The following GRID2 variants were observed in gnomAD, a reference collection of about 807,000 sequenced individuals.
The protein encoded by GRID2 is glutamate receptor ionotropic, delta-2.
Under a neutral mutation model 114.8 loss-of-function variants are expected in GRID2, and 33 were observed. That is an observed-to-expected ratio of 0.29 (90% CI 0.22 to 0.38). The LOEUF is 0.38. GRID2 is among the 10% of genes least tolerant of loss of function. GRID2 has a pLI of 1.00. For synonymous variants in GRID2, 505 were observed against 449.9 expected (o/e 1.12, Z -1.55); for missense variants, 1,184 against 1,257.7 (o/e 0.94, Z 0.89).
At chr4:92,513,880 C>T (rs962284261) in intron 1 of GRID2, among the ~76,000 whole-genome samples, 36 of 151,946 alleles carry the variant, frequency 2.4e-4, no homozygotes, top group African/African-American at 8.7e-4. Context: ...CTGTGTAGAC[C>T]TCTAATTAGA....
intron 2 of GRID2, among the ~76,000 whole-genome samples, chr4:92,924,166 A>G (rs1025930002): frequency 5.9e-5 from 9 of 152,074 alleles, no homozygotes; most frequent in African/African-American, 1.9e-4. Context: ...ACCAAACACC[A>G]CATGTTCTCA....
chr4:93,536,859 T>C (rs1221311886), intron 13 of GRID2, among the ~76,000 whole-genome samples: 1 of 151,714 alleles, frequency 6.6e-6, no homozygotes, highest in Non-Finnish European at 1.5e-5. Context: ...TTTGATAAAA[T>C]TTTGACAGAA....
chr4:92,466,532 A>G (rs1721760017), intron 1 of GRID2, among the ~76,000 whole-genome samples: 1 of 151,714 alleles, frequency 6.6e-6, no homozygotes, highest in African/African-American at 2.4e-5. Flanking sequence ...ACATACACCT[A>G]CTATGTACTC....
intron 2 of GRID2, among the ~76,000 whole-genome samples, chr4:92,918,309 T>A (rs570735222): frequency 1.6e-4 from 25 of 152,326 alleles, no homozygotes; most frequent in African/African-American, 5.3e-4. Context: ...AGGGACAATT[T>A]GACTTCCTCT....
At chr4:92,422,998 G>A (rs181232437) in intron 1 of GRID2, among the ~76,000 whole-genome samples, 7 of 152,128 alleles carry the variant, frequency 4.6e-5, no homozygotes, top group Non-Finnish European at 8.8e-5. Flanking sequence ...ATTTTGCAAA[G>A]GCAGTTTCAA....
intron 2 of GRID2, among the ~76,000 whole-genome samples, chr4:92,944,549 C>T (rs955327540): frequency 2.0e-5 from 3 of 152,334 alleles, no homozygotes; most frequent in Non-Finnish European, 4.4e-5. Flanking sequence ...CGCCTTGCTT[C>T]AGCTCATGCT....
intron 2 of GRID2, among the ~76,000 whole-genome samples, chr4:92,655,902 GTT>G (rs1281906163): frequency 6.6e-6 from 1 of 151,462 alleles, no homozygotes; most frequent in Non-Finnish European, 1.5e-5. Context: ...CCAGTACCAA[GTT>G]TAATAATAGT....
intron 2 of GRID2, among the ~76,000 whole-genome samples, chr4:92,843,014 G>A (rs1272589410): frequency 4.6e-5 from 7 of 152,102 alleles, no homozygotes; most frequent in African/African-American, 1.4e-4. Context: ...CAAGGCTGGA[G>A]GATCATTTGA....
intron 1 of GRID2, among the ~76,000 whole-genome samples, chr4:92,418,487 G>C (rs780549542): frequency 4.6e-5 from 7 of 152,080 alleles, no homozygotes; most frequent in Non-Finnish European, 1.0e-4. Flanking sequence ...GTAGAGGAAA[G>C]ATTAGAGAGG....
chr4:93,679,414 T>C (rs1021522878), intron 14 of GRID2, among the ~76,000 whole-genome samples: 5 of 150,908 alleles, frequency 3.3e-5, no homozygotes, highest in African/African-American at 1.2e-4. Flanking sequence ...AACTCAGCTC[T>C]GCACCAAGCA....
chr4:92,715,659 G>A (rs1735508020), intron 2 of GRID2, among the ~76,000 whole-genome samples: 1 of 152,166 alleles, frequency 6.6e-6, no homozygotes, highest in Non-Finnish European at 1.5e-5. Flanking sequence ...AAGAGAGCGA[G>A]TGCAGGGAAA....
intron 1 of GRID2, among the ~76,000 whole-genome samples, chr4:93,787,825 A>G (rs1318212200): frequency 6.6e-6 from 1 of 152,214 alleles, no homozygotes; most frequent in Admixed American, 6.5e-5. Context: ...TCATGTATTT[A>G]CTAATTACTG....
intron 1 of GRID2, among the ~76,000 whole-genome samples, chr4:92,306,115 C>G (rs1281234189): frequency 6.6e-6 from 1 of 152,252 alleles, no homozygotes; most frequent in Non-Finnish European, 1.5e-5. Flanking sequence ...GGATTTCTGT[C>G]TAGCGTGCGC....
chr4:93,352,141 T>C (rs999220869), intron 8 of GRID2, among the ~76,000 whole-genome samples: 11 of 152,042 alleles, frequency 7.2e-5, no homozygotes, highest in Non-Finnish European at 1.0e-4. Context: ...TTGCAGTCAT[T>C]CTCTTGCTGT....
chr4:93,469,534 T>G (rs1560652588), intron 11 of GRID2, among the ~76,000 whole-genome samples: 1 of 152,098 alleles, frequency 6.6e-6, no homozygotes, highest in East Asian at 1.9e-4. Flanking sequence ...TAGCAGTGCA[T>G]TCTTTTGCTT....
At chr4:93,702,170 C>G (rs1223159988) in intron 14 of GRID2, among the ~76,000 whole-genome samples, 1 of 152,062 alleles carries the variant, frequency 6.6e-6, no homozygotes, top group Non-Finnish European at 1.5e-5. Context: ...GATATATTCT[C>G]AGTATAATTC....
intron 7 of GRID2, among the ~76,000 whole-genome samples, chr4:93,235,358 T>A (rs986073581): frequency 6.6e-6 from 1 of 152,160 alleles, no homozygotes; most frequent in African/African-American, 2.4e-5. Flanking sequence ...TTAGCTTATA[T>A]TGTTGAAAAT....
chr4:92,319,256 C>T (rs1053545707), intron 1 of GRID2, among the ~76,000 whole-genome samples: 2 of 152,100 alleles, frequency 1.3e-5, no homozygotes, highest in Non-Finnish European at 2.9e-5. Flanking sequence ...GTCTAATCTA[C>T]CTAAATGATT....
chr4:93,793,044 C>T (rs893063402), intron 1 of GRID2, among the ~76,000 whole-genome samples: 6 of 152,176 alleles, frequency 3.9e-5, no homozygotes, highest in Admixed American at 3.3e-4. Context: ...TCAATGGAAA[C>T]TGTATTGTTT....
Sources: gnomAD v4.1 joint callset for allele counts (sites outside exome capture counted in the v4.1 genomes callset) on GRCh38, gnomAD v4.1.1 for gene constraint, MANE v1.5 for transcripts, NCBI Gene and HGNC (gene_info 2026-07-23, HGNC 2026-07-21) for gene names.